WBP2: variants seen among roughly 807,000 people sequenced by gnomAD.
The protein encoded by WBP2 is WW domain-binding protein 2.
Under a neutral mutation model 33.0 loss-of-function variants are expected in WBP2, and 23 were observed. That is an observed-to-expected ratio of 0.70 (90% CI 0.50 to 0.99). The LOEUF (loss-of-function observed/expected upper bound fraction) is 0.99. Ranked by LOEUF, WBP2 falls within the 50% of genes least tolerant of loss-of-function variation. The probability of loss-of-function intolerance (pLI) is 0.00; values close to 1 mark genes in which losing one functional copy is unlikely to be tolerated. For missense variants in WBP2, 353 were observed against 358.0 expected (o/e 0.99, Z 0.11); for synonymous variants, 153 against 133.5 (o/e 1.15, Z -1.01).
In WBP2 at chr17:75,851,722, C is replaced by A. The variant is rs372135125; in HGVS notation, c.60-46G>T. On this transcript the variant is annotated intron_variant, in intron 1 of 7. Transcript: ENST00000254806. ...AAGCCTCAATGAGACAGTATGGAGACGCGACGTCACCCAGACACTGGGCCT... is the reference window on the plus strand; with the variant it reads ...AAGCCTCAATGAGACAGTATGGAGAAGCGACGTCACCCAGACACTGGGCCT... The A allele has an allele frequency of 2.6e-5, 37 of 1,441,902 alleles. 1 individual carries two copies. In the South Asian group the frequency reaches 4.1e-4, roughly 16 times the overall value. 89.3% of individuals were successfully genotyped at this position (1,441,902 alleles called of 1,614,324 possible).
chr17:75,847,065 C>A, intron 6 of WBP2, 81 bp from the exon 7 acceptor site: 1 of 1,514,830 alleles, frequency 6.6e-7, no homozygotes, highest in Admixed American at 1.8e-5. Context: ...GCCCCCATGG[C>A]TCGGGGCAGC....
Position 75,846,660 on chromosome 17 carries a change from C to G in WBP2, c.*74G>C. On this transcript the variant is annotated 3_prime_UTR_variant, in exon 8 of 8. Coordinates refer to ENST00000254806, the MANE Select transcript of WBP2 (RefSeq NM_012478.4). The surrounding 1 kb of genome is among the most constrained non-coding windows in gnomAD (Gnocchi z 4.8). Reference sequence around the variant, plus strand: ...GAGAACAAGGCGCCCCCTCCCCTCCCCAAGCCCCAGCACAGCCCCGATGGG... The same window carrying G: ...GAGAACAAGGCGCCCCCTCCCCTCCGCAAGCCCCAGCACAGCCCCGATGGG... 3 of 1,492,984 alleles carry G rather than the reference C, an allele frequency of 2.0e-6. No homozygotes were observed. The highest frequency in any genetic ancestry group is 2.7e-6 in the Non-Finnish European group (3 of 1,105,762). The allele number at this position is 1,492,984 out of a possible 1,614,324, so 92.5% of individuals were successfully genotyped here. A position where few individuals can be genotyped will look rare whatever the true frequency, so the allele number is the denominator to read the frequency against.
Position 75,846,685 on chromosome 17 carries a change from G to C in WBP2, c.*49C>G. On this transcript the variant is annotated 3_prime_UTR_variant, in exon 8 of 8. Coordinates refer to ENST00000254806, the MANE Select transcript of WBP2 (RefSeq NM_012478.4). This position sits in a 1 kb window ranked among gnomAD's most constrained non-coding sequence, Gnocchi z 4.8. ...CCAAGCCCCAGCACAGCCCCGATGG[G>C]AGGGGTAGGGTAGAGAGATGAGGGT... 6.7e-7 allele frequency: 1 copy of C among 1,503,730 alleles called. No individual in the cohort carries two copies. The allele number at this position is 1,503,730 out of a possible 1,614,324, so 93.1% of individuals were successfully genotyped here.
chr17:75,846,036 T>C lies in WBP2; in HGVS notation c.*698A>G, dbSNP rs570831935. The C allele has an allele frequency of 6.6e-6, 1 of 152,570 alleles. No individual in the cohort carries two copies. Among genetic ancestry groups the C allele is most frequent in the East Asian group, 1.9e-4 (1 of 5,182 alleles). The allele number at this position is 152,570 out of a possible 1,614,324, so 9.5% of individuals were successfully genotyped here. On this transcript the variant is annotated 3_prime_UTR_variant, in exon 8 of 8. Coordinates refer to ENST00000254806, the MANE Select transcript of WBP2 (RefSeq NM_012478.4). The surrounding 1 kb of genome is among the most constrained non-coding windows in gnomAD (Gnocchi z 4.8). ...CTGGTTCCAGTCAGGAAGCTCCTTC[T>C]AGAAGGAAGTGAGAGGTGAGGGAAA... is the stretch of plus-strand genomic sequence containing the variant.
chr17:75,855,646 C>G (rs950570183), upstream of WBP2, among the ~76,000 whole-genome samples: 4 of 152,232 alleles, frequency 2.6e-5, no homozygotes, highest in African/African-American at 9.6e-5. Context: ...GCCATCCCCA[C>G]CCCGCCTCTT....
At position 75,846,675 on chromosome 17, in the gene WBP2, G is replaced by T; in HGVS notation, c.*59C>A. ...CCTCCCCTCCCCAAGCCCCAGCACA[G>T]CCCCGATGGGAGGGGTAGGGTAGAG... On this transcript the variant is annotated 3_prime_UTR_variant, in exon 8 of 8. Transcript: ENST00000254806. This position sits in a 1 kb window ranked among gnomAD's most constrained non-coding sequence, Gnocchi z 4.8. 1 of 1,498,894 alleles carries T rather than the reference G, an allele frequency of 6.7e-7. No homozygotes were observed. The highest frequency in any genetic ancestry group is 9.0e-7 in the Non-Finnish European group (1 of 1,115,396). The allele number at this position is 1,498,894 out of a possible 1,614,324, so 92.8% of individuals were successfully genotyped here.
At chr17:75,855,184 C>CCCA in intron 1 of WBP2, 55 bp downstream of exon 1, 29 of 1,513,968 alleles carry the variant, frequency 1.9e-5, no homozygotes, top group Non-Finnish European at 2.5e-5. Flanking sequence ...ACCCACCGCC[C>CCCA]ACTTCCTCGA....
At chr17:75,849,220 C>T (rs1321108889) in intron 3 of WBP2, 3 of 216,214 alleles carry the variant, frequency 1.4e-5, no homozygotes, top group Non-Finnish European at 2.8e-5. Context: ...AAAAGCCAGC[C>T]CCAAAGCAGG....
At position 75,848,609 on chromosome 17, in the gene WBP2, T is replaced by C. The variant is rs1599421788; in HGVS notation, c.358A>G (p.Ile120Val). ...TGGAGCATCCGCTGTCCGAACTCAA[T>C]GGCGCCCCCTGCCGTGAAAGTCAAC... is the stretch of plus-strand genomic sequence containing the variant. ...YKLTFTAGGA[I>V]EFGQRMLQVA... The change falls in exon 4 of 8, where the codon ATT (isoleucine) becomes GTT (valine). Residue 120 changes from isoleucine (I) to valine (V), a missense_variant. Transcript: ENST00000254806. 1.2e-6 allele frequency: 2 copies of C among 1,614,026 alleles called. No individual in the cohort carries two copies. The highest frequency in any genetic ancestry group is 2.2e-5 in the East Asian group (1 of 44,876).
At position 75,847,486 on chromosome 17, in the gene WBP2, C is replaced by A; in HGVS notation, c.655+1G>T. On this transcript the variant is annotated splice_donor_variant, in intron 6 of 7. Coordinates refer to ENST00000254806, the MANE Select transcript of WBP2 (RefSeq NM_012478.4). LOFTEE classifies it high-confidence loss of function. The stretch of plus-strand genomic sequence containing the variant: ...GGCTGCCAGCACCCAAGGGCCCTCA[C>A]CTGCAGGAGTGGAGGGGACATCGGG... The A allele has an allele frequency of 6.3e-7, 1 of 1,591,858 alleles. No homozygotes were observed. Among genetic ancestry groups the A allele is most frequent in the Non-Finnish European group, 8.5e-7 (1 of 1,169,988 alleles).
intron 2 of WBP2, 35 bp from the exon 3 acceptor site, chr17:75,849,774 A>C (rs1352603017): frequency 3.1e-6 from 5 of 1,610,048 alleles, no homozygotes; most frequent in Non-Finnish European, 3.4e-6. Flanking sequence ...TCAGTACTAG[A>C]AGCACAGCCC....
At chr17:75,848,732 T>C (rs2065010961) in intron 3 of WBP2, 70 bp from the exon 4 acceptor site, 2 of 1,400,396 alleles carry the variant, frequency 1.4e-6, no homozygotes, top group South Asian at 1.2e-5. Flanking sequence ...ATGGCTGTTT[T>C]CCTCTCCAGG....
chr17:75,848,200 G>C, intron 4 of WBP2: 1 of 595,488 alleles, frequency 1.7e-6, no homozygotes, highest in Non-Finnish European at 3.0e-6. Flanking sequence ...GCTCAGGGCT[G>C]GGGTAGGAGT....
chr17:75,848,300 T>A, intron 4 of WBP2: 1 of 586,996 alleles, frequency 1.7e-6, no homozygotes, highest in Non-Finnish European at 3.0e-6. Flanking sequence ...GTGTTTGTTT[T>A]ATGAGGCCAT....
At chr17:75,848,081 C>CG (rs1169973156) in intron 4 of WBP2, 151 bp from the exon 5 acceptor site, 3 of 1,071,986 alleles carry the variant, frequency 2.8e-6, no homozygotes, top group Non-Finnish European at 4.1e-6. Context: ...CACCCATACT[C>CG]GGGGGGCCAC....
rs1287074807 is a variant in WBP2 at position 75,847,870 on chromosome 17, T to C, written c.458A>G (p.Tyr153Cys). The C allele has an allele frequency of 2.6e-6, 4 of 1,556,088 alleles. No individual in the cohort carries two copies. Among genetic ancestry groups the C allele is most frequent in the Non-Finnish European group, 2.6e-6 (3 of 1,149,638 alleles). Residue 153 changes from tyrosine (Y) to cysteine (C), a missense_variant, in exon 5 of 8, where the codon TAT becomes TGT. Transcript: ENST00000254806. ...ATTGGCGACTGGCGGGGGATAGACA[T>C]AGGCCCCGCTGGGCATGTAAGAGTA... ...YGYSYMPSGA[Y>C]VYPPPVANGM...
chr17:75,847,266 A>C, intron 6 of WBP2: 1 of 767,608 alleles, frequency 1.3e-6, no homozygotes, highest in Non-Finnish European at 2.1e-6. Flanking sequence ...ACACAGGGTG[A>C]CCTTCCCCGC....
In WBP2 at chr17:75,852,751, G is replaced by A. The variant is rs141167241; in HGVS notation, c.60-1075C>T. The A allele has an allele frequency of 7.0e-4, 689 of 984,074 alleles. 5 individuals are homozygous for A. The African/African-American group carries it at 0.01, about 15-fold the overall frequency. 61.0% of individuals were successfully genotyped at this position (984,074 alleles called of 1,614,324 possible). A position where few individuals can be genotyped will look rare whatever the true frequency, so the allele number is the denominator to read the frequency against. On this transcript the variant is annotated intron_variant, in intron 1 of 7. Coordinates refer to ENST00000254806, the MANE Select transcript of WBP2 (RefSeq NM_012478.4). Reference sequence around the variant, plus strand: ...ATTACAGGCGTGAGCCACTGCGCCCGGCCAACTCTTCTATTTTCTTTTAAG... The same window carrying A: ...ATTACAGGCGTGAGCCACTGCGCCCAGCCAACTCTTCTATTTTCTTTTAAG...
At position 75,848,670 on chromosome 17, in the gene WBP2, G is replaced by GTTC. The variant is rs1243122998; in HGVS notation, c.305-9_305-8insGAA. The GTTC allele has an allele frequency of 3.1e-6, 5 of 1,610,448 alleles. No homozygotes were observed. Among genetic ancestry groups the GTTC allele is most frequent in the Non-Finnish European group, 3.4e-6 (4 of 1,177,734 alleles). On this transcript the variant is annotated splice_polypyrimidine_tract_variant and intron_variant, in intron 3 of 7. Coordinates refer to ENST00000254806, the MANE Select transcript of WBP2 (RefSeq NM_012478.4). ...CAGAGCCTTCCCAGCCACCTGAAAGGGGAAGGACAGTGAATAAACAGCACA... is the reference window on the plus strand; with the variant it reads ...CAGAGCCTTCCCAGCCACCTGAAAGGTTCGGAAGGACAGTGAATAAACAGCACA...
Sources: allele counts gnomAD v4.1 joint callset (sites outside exome capture counted in the v4.1 genomes callset), GRCh38; gene constraint gnomAD v4.1.1; non-coding constraint Gnocchi (gnomAD v3.1); transcripts MANE v1.5; gene names NCBI Gene and HGNC (gene_info 2026-07-23, HGNC 2026-07-21).